Variants in KCNMB2 observed in about 807,000 individuals in gnomAD.
KCNMB2 encodes the protein calcium-activated potassium channel subunit beta-2.
In KCNMB2, 9 loss-of-function variants were observed where a neutral mutation model predicts 24.5. The observed-to-expected ratio is 0.37, with a 90% CI of 0.22 to 0.64. KCNMB2 has a LOEUF of 0.64. Among genes scored for constraint, KCNMB2 ranks in the 30% least tolerant of loss-of-function variants. KCNMB2 has a pLI of 0.63. For synonymous variants in KCNMB2, 109 were observed against 104.4 expected, an observed-to-expected ratio of 1.04 and a Z score of -0.27; for missense variants, 226 against 284.3, an observed-to-expected ratio of 0.79 and a Z score of 1.47.
At chr3:178,728,229 A>G (rs1057493291) in intron 1 of KCNMB2, among the ~76,000 whole-genome samples, 2 of 152,170 alleles carry the variant, frequency 1.3e-5, no homozygotes, top group Non-Finnish European at 2.9e-5. Context: ...CAGGAATCAG[A>G]CATAATAAAG....
chr3:178,699,877 C>T lies in KCNMB2; in HGVS notation c.-67-107466C>T, dbSNP rs114749792. Among the ~76,000 whole-genome samples, 1,192 of 152,324 alleles carry T rather than the reference C, an allele frequency of 7.8e-3. 15 individuals are homozygous for T. Among genetic ancestry groups the T allele is most frequent in the African/African-American group, 0.027 (1,113 of 41,562 alleles). On this transcript the variant is annotated intron_variant, in intron 1 of 4. Transcript: ENST00000452583. ...GCTACCTCAAGTGTCATGTGGTGGT[C>T]GAGGGTTCCCCTCCTGCCGGGGTTC...
chr3:178,644,317 G>A (rs148999163), intron 1 of KCNMB2, among the ~76,000 whole-genome samples: 44 of 152,344 alleles, frequency 2.9e-4, no homozygotes, highest in Non-Finnish European at 4.9e-4. Flanking sequence ...AGAGAGGTGG[G>A]TCATTATTGG....
chr3:178,627,864 T>C (rs956500586), intron 1 of KCNMB2, among the ~76,000 whole-genome samples: 12 of 152,162 alleles, frequency 7.9e-5, no homozygotes, highest in Non-Finnish European at 1.0e-4. Context: ...TCACTGATTT[T>C]CCAAAGAAGA....
intron 1 of KCNMB2, among the ~76,000 whole-genome samples, chr3:178,672,977 C>G (rs954105673): frequency 1.3e-5 from 2 of 152,164 alleles, no homozygotes; most frequent in African/African-American, 4.8e-5. Context: ...TTTGCTCTTA[C>G]ACATTACCAA....
chr3:178,799,620 T>C (rs949282675), intron 1 of KCNMB2, among the ~76,000 whole-genome samples: 6 of 152,146 alleles, frequency 3.9e-5, no homozygotes, highest in African/African-American at 1.4e-4. Flanking sequence ...ATCTACAGAT[T>C]CAATGCAATC....
At chr3:178,603,726 GAC>G (rs1329406586) in intron 1 of KCNMB2, among the ~76,000 whole-genome samples, 5 of 152,190 alleles carry the variant, frequency 3.3e-5, no homozygotes, top group Non-Finnish European at 5.9e-5. Flanking sequence ...ATGCAGTACT[GAC>G]GTGATGATAC....
chr3:178,806,508 TCTTC>T (rs1373644153), intron 1 of KCNMB2, among the ~76,000 whole-genome samples: 1 of 152,154 alleles, frequency 6.6e-6, no homozygotes, highest in Non-Finnish European at 1.5e-5. Context: ...GAATCACCAG[TCTTC>T]CTTCCTTTGT....
intron 1 of KCNMB2, among the ~76,000 whole-genome samples, chr3:178,570,758 C>G (rs985054297): frequency 2.0e-5 from 3 of 152,022 alleles, no homozygotes; most frequent in Admixed American, 6.6e-5. Flanking sequence ...ATATGATATG[C>G]AGCAATTTTT....
At position 178,647,172 on chromosome 3, in the gene KCNMB2, A is replaced by G. The variant is rs1325365490; in HGVS notation, c.-68+110461A>G. 2.0e-5 allele frequency among the ~76,000 whole-genome samples: 3 copies of G among 152,304 alleles called. No homozygotes were observed. The East Asian group carries it at 5.8e-4, about 29-fold the overall frequency. On this transcript the variant is annotated intron_variant, in intron 1 of 4. Transcript: ENST00000452583. ...AGTTGTAAGGATAAATATGCTTCCT[A>G]GCCTGTCAGAAAGACCACTGCACAG...
chr3:178,672,915 T>G (rs75198058), intron 1 of KCNMB2, among the ~76,000 whole-genome samples: 9,178 of 152,226 alleles, frequency 0.06, 423 homozygotes, highest in Admixed American at 0.13. Flanking sequence ...ACCTGTAATC[T>G]AAATTTGAAG....
intron 1 of KCNMB2, among the ~76,000 whole-genome samples, chr3:178,700,768 T>TAA (rs35566284): frequency 4.1e-4 from 60 of 147,946 alleles, no homozygotes; most frequent in African/African-American, 9.6e-4. Flanking sequence ...ATGAGTAGTG[T>TAA]AAAAAAAAAA....
At chr3:178,840,983 A>T (rs572148637) in intron 4 of KCNMB2, among the ~76,000 whole-genome samples, 4 of 152,344 alleles carry the variant, frequency 2.6e-5, no homozygotes, top group East Asian at 1.9e-4. Flanking sequence ...CCAAATTTTT[A>T]TGCTTTTAAA....
chr3:178,716,960 A>G (rs567024007), intron 1 of KCNMB2, among the ~76,000 whole-genome samples: 2 of 152,230 alleles, frequency 1.3e-5, no homozygotes, highest in East Asian at 3.9e-4. Context: ...CATTGCTTAA[A>G]AAACATAAAG....
chr3:178,784,369 G>A (rs1044728693), intron 1 of KCNMB2, among the ~76,000 whole-genome samples: 1 of 152,134 alleles, frequency 6.6e-6, no homozygotes, highest in Non-Finnish European at 1.5e-5. Flanking sequence ...GTAAAAGCAA[G>A]TCCATCTGCC....
chr3:178,584,965 A>C (rs973393791), intron 1 of KCNMB2, among the ~76,000 whole-genome samples: 3 of 152,166 alleles, frequency 2.0e-5, no homozygotes, highest in Non-Finnish European at 2.9e-5. Flanking sequence ...GTTTGTGTGC[A>C]CCTATCTACA....
intron 1 of KCNMB2, among the ~76,000 whole-genome samples, chr3:178,655,751 C>A (rs1720312450): frequency 6.6e-6 from 1 of 152,240 alleles, no homozygotes; most frequent in Non-Finnish European, 1.5e-5. Context: ...AAGGCCCTAC[C>A]TGCCACACTT....
chr3:178,626,697 C>A (rs1327639921), intron 1 of KCNMB2, among the ~76,000 whole-genome samples: 4 of 152,016 alleles, frequency 2.6e-5, no homozygotes, highest in African/African-American at 7.2e-5. Context: ...CCCCAGGATC[C>A]AATCACTCCT....
At chr3:178,792,886 T>C (rs1019076045) in intron 1 of KCNMB2, among the ~76,000 whole-genome samples, 1 of 152,242 alleles carries the variant, frequency 6.6e-6, no homozygotes, top group African/African-American at 2.4e-5. Flanking sequence ...AGTGCCTGCA[T>C]TGGGTGTCAC....
chr3:178,688,691 T>A (rs1721556349), intron 1 of KCNMB2, among the ~76,000 whole-genome samples: 2 of 151,886 alleles, frequency 1.3e-5, no homozygotes, highest in African/African-American at 4.8e-5. Context: ...AGTGTTTGCT[T>A]TTTTTTTAAC....
Sources: gnomAD v4.1 joint callset for allele counts (sites outside exome capture counted in the v4.1 genomes callset) on GRCh38, gnomAD v4.1.1 for gene constraint, MANE v1.5 for transcripts, NCBI Gene and HGNC (gene_info 2026-07-23, HGNC 2026-07-21) for gene names.